NPAS3: variants seen among roughly 807,000 people sequenced by gnomAD.
The protein encoded by NPAS3 is neuronal PAS domain-containing protein 3.
Under a neutral mutation model 73.1 loss-of-function variants are expected in NPAS3, and 14 were observed. That is an observed-to-expected ratio of 0.19 (90% CI 0.13 to 0.30). The LOEUF (loss-of-function observed/expected upper bound fraction) is 0.30. Among genes scored for constraint, NPAS3 ranks in the 10% least tolerant of loss-of-function variants. The pLI, the probability that NPAS3 is intolerant of heterozygous loss-of-function variation, is 1.00. For synonymous variants in NPAS3, 620 were observed against 541.5 expected, an observed-to-expected ratio of 1.14 and a Z score of -2.01; for missense variants, 1,096 against 1,250.0, an observed-to-expected ratio of 0.88 and a Z score of 1.86.
intron 5 of NPAS3, among the ~76,000 whole-genome samples, chr14:33,627,393 A>T (rs2058251400): frequency 6.6e-6 from 1 of 152,134 alleles, no homozygotes; most frequent in Non-Finnish European, 1.5e-5. Flanking sequence ...TAGCTAAAAT[A>T]CTCTTCACTA....
intron 4 of NPAS3, among the ~76,000 whole-genome samples, chr14:33,513,156 A>G (rs1174363405): frequency 2.0e-5 from 3 of 152,052 alleles, no homozygotes; most frequent in Non-Finnish European, 4.4e-5. Context: ...CTAGCCATGT[A>G]GTGCCTAGAC....
At chr14:33,221,326 A>G (rs1329813446) in intron 3 of NPAS3, among the ~76,000 whole-genome samples, 1 of 152,192 alleles carries the variant, frequency 6.6e-6, no homozygotes, top group Non-Finnish European at 1.5e-5. Flanking sequence ...AGGGAAGCAC[A>G]TTGCACCTCT....
chr14:33,485,098 A>G (rs1472970161), intron 4 of NPAS3, among the ~76,000 whole-genome samples: 2 of 152,130 alleles, frequency 1.3e-5, no homozygotes, highest in African/African-American at 4.8e-5. Flanking sequence ...CAAAACTAGA[A>G]AATAAAATCC....
At chr14:33,533,172 G>T (rs1234868933) in intron 4 of NPAS3, among the ~76,000 whole-genome samples, 2 of 152,028 alleles carry the variant, frequency 1.3e-5, no homozygotes, top group African/African-American at 4.8e-5. Context: ...GATTACTTTA[G>T]AATTTTTAAC....
chr14:33,161,976 G>T (rs978187911), intron 2 of NPAS3, among the ~76,000 whole-genome samples: 1 of 152,220 alleles, frequency 6.6e-6, no homozygotes, highest in Admixed American at 6.5e-5. Context: ...AGTTATCAGA[G>T]GAGCCCTGAA....
At chr14:33,078,687 T>A (rs1359551727) in intron 2 of NPAS3, among the ~76,000 whole-genome samples, 1 of 152,160 alleles carries the variant, frequency 6.6e-6, no homozygotes, top group East Asian at 1.9e-4. Flanking sequence ...GTAACACAAT[T>A]GATGTAATAT....
At chr14:33,252,948 C>A (rs930683101) in intron 3 of NPAS3, among the ~76,000 whole-genome samples, 3 of 152,004 alleles carry the variant, frequency 2.0e-5, no homozygotes, top group Non-Finnish European at 4.4e-5. Context: ...CAGCTCCATC[C>A]GTGTTGCTGC....
At chr14:33,007,154 A>G (rs1325367829) in intron 1 of NPAS3, among the ~76,000 whole-genome samples, 1 of 152,232 alleles carries the variant, frequency 6.6e-6, no homozygotes, top group Non-Finnish European at 1.5e-5. Flanking sequence ...GGTTCCTATT[A>G]TAAGTACCCC....
chr14:33,349,769 G>A (rs1367670742), intron 3 of NPAS3, among the ~76,000 whole-genome samples: 2 of 152,210 alleles, frequency 1.3e-5, no homozygotes, highest in Non-Finnish European at 2.9e-5. Flanking sequence ...TTCCCGTCCT[G>A]ATGGGAATAT....
intron 2 of NPAS3, among the ~76,000 whole-genome samples, chr14:33,056,484 G>A (rs1335071077): frequency 6.6e-6 from 1 of 152,212 alleles, no homozygotes; most frequent in East Asian, 1.9e-4. Context: ...TGCTAGCTAA[G>A]ATTTCAGAGC....
intron 3 of NPAS3, among the ~76,000 whole-genome samples, chr14:33,253,921 A>C (rs976115687): frequency 6.6e-6 from 1 of 152,068 alleles, no homozygotes; most frequent in African/African-American, 2.4e-5. Context: ...GTATCATCTA[A>C]AACCCAGTTC....
At chr14:32,962,602 C>T (rs1482537046) in intron 1 of NPAS3, among the ~76,000 whole-genome samples, 4 of 117,444 alleles carry the variant, frequency 3.4e-5, no homozygotes, top group South Asian at 5.5e-4. Flanking sequence ...GACTGGGTCT[C>T]GCTCTGTCAC....
chr14:33,044,331 T>C (rs2040434158), intron 1 of NPAS3, among the ~76,000 whole-genome samples: 1 of 152,226 alleles, frequency 6.6e-6, no homozygotes, highest in African/African-American at 2.4e-5. Context: ...ATTACTGTGA[T>C]ACATTTGAAC....
rs565820401 is a variant in NPAS3, at chr14:33,470,041, C to A, written c.469-90080C>A. ...ATTGACCCTGCCTATCAGCTGAGAT[C>A]TCATCTAGGACTTTGACTGGAACAC... On this transcript the variant is annotated intron_variant, in intron 4 of 11. Transcript: ENST00000356141. Among the ~76,000 whole-genome samples, 32 of 152,264 alleles carry A rather than the reference C, an allele frequency of 2.1e-4. No homozygotes were observed. In the South Asian group the frequency reaches 6.6e-3, roughly 32 times the overall value.
intron 7 of NPAS3, among the ~76,000 whole-genome samples, chr14:33,754,406 G>C (rs2062053037): frequency 6.6e-6 from 1 of 152,136 alleles, no homozygotes; most frequent in Non-Finnish European, 1.5e-5. Flanking sequence ...GGGAGGCCAA[G>C]GAAGTCCTCA....
intron 3 of NPAS3, among the ~76,000 whole-genome samples, chr14:33,361,212 T>C (rs1395771447): frequency 6.6e-6 from 1 of 152,182 alleles, no homozygotes; most frequent in Non-Finnish European, 1.5e-5. Flanking sequence ...GGAAACTTCG[T>C]ACTAAGAGGT....
intron 4 of NPAS3, among the ~76,000 whole-genome samples, chr14:33,522,745 A>AT (rs1485658861): frequency 2.0e-5 from 3 of 152,144 alleles, no homozygotes; most frequent in Non-Finnish European, 2.9e-5. Context: ...GGTTATATGT[A>AT]TTACCACCAT....
intron 1 of NPAS3, among the ~76,000 whole-genome samples, chr14:32,954,166 C>T (rs566176648): frequency 6.6e-6 from 1 of 152,248 alleles, no homozygotes; most frequent in South Asian, 2.1e-4. Flanking sequence ...CCCCAAATTT[C>T]TTAAGCATTA....
chr14:33,645,450 T>C (rs1377943636), intron 5 of NPAS3, among the ~76,000 whole-genome samples: 1 of 152,236 alleles, frequency 6.6e-6, no homozygotes, highest in Non-Finnish European at 1.5e-5. Flanking sequence ...CTAATAGCAT[T>C]TTAGAGCATA....
Sources: allele counts gnomAD v4.1 joint callset (sites outside exome capture counted in the v4.1 genomes callset), GRCh38; gene constraint gnomAD v4.1.1; transcripts MANE v1.5; gene names NCBI Gene and HGNC (gene_info 2026-07-23, HGNC 2026-07-21).